CPSF2: variants seen among roughly 807,000 people sequenced by gnomAD.
CPSF2 encodes the protein cleavage and polyadenylation specific factor 2.
In CPSF2, 51 loss-of-function variants were observed where a neutral mutation model predicts 84.2. The ratio of observed to expected loss-of-function variants is 0.61; its 90% confidence interval spans 0.48 to 0.77. The LOEUF is 0.77. Ranked by LOEUF, CPSF2 falls within the 30% of genes least tolerant of loss-of-function variation. The probability of loss-of-function intolerance (pLI) is 0.00; values close to 1 mark genes in which losing one functional copy is unlikely to be tolerated. For missense variants in CPSF2, 641 were observed against 929.4 expected, an observed-to-expected ratio of 0.69 and a Z score of 4.03; for synonymous variants, 286 against 311.9, an observed-to-expected ratio of 0.92 and a Z score of 0.87.
At chr14:92,140,142 C>T (rs2069056899) in intron 7 of CPSF2, among the ~76,000 whole-genome samples, 1 of 151,030 alleles carries the variant, frequency 6.6e-6, no homozygotes, top group Admixed American at 6.6e-5. Flanking sequence ...TTAATAGAGA[C>T]GGGGTTTCAC....
intron 10 of CPSF2, 68 bp downstream of exon 10, chr14:92,154,526 A>G (rs2069263891): frequency 9.2e-7 from 1 of 1,086,858 alleles, no homozygotes; most frequent in African/African-American, 1.6e-5. Flanking sequence ...CTTGACTTAA[A>G]TGTTTCATTG....
chr14:92,130,909 CTG>C lies in CPSF2; in HGVS notation c.-34-39_-34-38del, dbSNP rs2068916394. The C allele has an allele frequency of 4.0e-6, 5 of 1,242,654 alleles. No homozygotes were observed. The African/African-American group carries it at 7.7e-5, about 19-fold the overall frequency. The allele number at this position is 1,242,654 out of a possible 1,614,324, so 77.0% of individuals were successfully genotyped here. ...CAATTTGTTTATTATATATGCCAGA[CTG>C]TGCTTTTATGTTTAATTATGTTTTC... On this transcript the variant is annotated intron_variant, in intron 2 of 15. Coordinates refer to ENST00000298875, the MANE Select transcript of CPSF2 (RefSeq NM_017437.3).
chr14:92,140,472 C>T lies in CPSF2; in HGVS notation c.662-1692C>T, dbSNP rs1324404854. 5.0e-5 allele frequency among the ~76,000 whole-genome samples: 7 copies of T among 140,736 alleles called. No homozygotes were observed. In the East Asian group the frequency reaches 1.1e-3, roughly 22 times the overall value. The allele number at this position is 140,736 out of a possible 152,430, so 92.3% of individuals were successfully genotyped here. ...TTTTTGAGATGTAGTCTCGCTCTGT[C>T]GCCAGGCTGGAGTGCAGTGGCGCGA... On this transcript the variant is annotated intron_variant, in intron 7 of 15. Coordinates refer to ENST00000298875, the MANE Select transcript of CPSF2 (RefSeq NM_017437.3).
chr14:92,131,596 T>C (rs1020619728), intron 3 of CPSF2, among the ~76,000 whole-genome samples: 2 of 152,120 alleles, frequency 1.3e-5, no homozygotes, highest in Non-Finnish European at 2.9e-5. Context: ...CCCAGTACTT[T>C]AGGAGGCTGA....
intron 9 of CPSF2, among the ~76,000 whole-genome samples, chr14:92,148,563 G>A (rs776101467): frequency 1.3e-5 from 2 of 150,446 alleles, no homozygotes; most frequent in Non-Finnish European, 3.0e-5. Flanking sequence ...GCATTTAATT[G>A]TCATAACTGT....
chr14:92,124,948 G>A (rs144126692), intron 1 of CPSF2, among the ~76,000 whole-genome samples: 1,784 of 152,188 alleles, frequency 0.012, 36 homozygotes, highest in African/African-American at 0.04. Context: ...CTAGATGTGG[G>A]AATTTGTAAG....
At chr14:92,135,222 C>T (rs2068983476) in intron 5 of CPSF2, 145 bp from the exon 6 acceptor site, 1 of 622,782 alleles carries the variant, frequency 1.6e-6, no homozygotes, top group Admixed American at 3.7e-5. Context: ...AGAGTGAAGC[C>T]TGCTTTCACT....
chr14:92,154,658 T>G (rs2069265503), intron 10 of CPSF2, among the ~76,000 whole-genome samples, 200 bp downstream of exon 10: 1 of 152,250 alleles, frequency 6.6e-6, no homozygotes, highest in Non-Finnish European at 1.5e-5. Flanking sequence ...TTATAAAATG[T>G]CAGTCCAATA....
chr14:92,143,235 C>T lies in CPSF2; in HGVS notation c.1081C>T (p.Pro361Ser), dbSNP rs992966833. The T allele has an allele frequency of 1.9e-6, 3 of 1,613,094 alleles. No individual in the cohort carries two copies. Among genetic ancestry groups the T allele is most frequent in the East Asian group, 2.2e-5 (1 of 44,890 alleles). The part of the protein sequence containing the change: ...NSIILTYRTT[P>S]GTLARFLIDN... ...AATCATTCTAACCTACAGAACTACT[C>T]CTGGGACTTTAGCACGTTTCCTAAT... Residue 361 changes from proline to serine, a missense_variant, in exon 9 of 16, where the codon CCT becomes TCT. Transcript: ENST00000298875.
Position 92,122,051 on chromosome 14 carries a change from G to A in CPSF2, c.-171G>A. 1.1e-5 allele frequency: 6 copies of A among 561,954 alleles called. No individual in the cohort carries two copies. The highest frequency in any genetic ancestry group is 3.1e-5 in the Admixed American group (1 of 32,686). 34.8% of individuals were successfully genotyped at this position (561,954 alleles called of 1,614,324 possible). A position where few individuals can be genotyped will look rare whatever the true frequency, so the allele number is the denominator to read the frequency against. On this transcript the variant is annotated 5_prime_UTR_variant, in exon 1 of 16. Coordinates refer to ENST00000298875, the MANE Select transcript of CPSF2 (RefSeq NM_017437.3). Reference sequence around the variant, plus strand: ...TCCCTGGCGCTGCTGACCCAGCATCGGCTTTTCTACGTCTTGAACCTGGAT... The same window carrying A: ...TCCCTGGCGCTGCTGACCCAGCATCAGCTTTTCTACGTCTTGAACCTGGAT...
chr14:92,131,914 A>C (rs1488129269), intron 3 of CPSF2, among the ~76,000 whole-genome samples: 1 of 152,196 alleles, frequency 6.6e-6, no homozygotes, highest in African/African-American at 2.4e-5. Flanking sequence ...AGAGGACTTA[A>C]ATATTTAAAA....
At chr14:92,148,083 T>C (rs2069165833) in intron 9 of CPSF2, among the ~76,000 whole-genome samples, 1 of 152,152 alleles carries the variant, frequency 6.6e-6, no homozygotes, top group Non-Finnish European at 1.5e-5. Context: ...TTTGGTTTAA[T>C]TTTTTTGTTT....
chr14:92,159,226 G>A lies in CPSF2; in HGVS notation c.2065G>A (p.Glu689Lys), dbSNP rs1313220623. 2 of 1,613,384 alleles carry A rather than the reference G, an allele frequency of 1.2e-6. No homozygotes were observed. Among genetic ancestry groups the A allele is most frequent in the Admixed American group, 1.7e-5 (1 of 59,888 alleles). ...AAGTCTGTTCGGAGATGATGAAAAAGAAACAGGTGAAGAAAGTGAGATCAT... is the reference window on the plus strand; with the variant it reads ...AAGTCTGTTCGGAGATGATGAAAAAAAAACAGGTGAAGAAAGTGAGATCAT... ...MKSLFGDDEK[E>K]TGEESEIIPT... Residue 689 changes from glutamate (E) to lysine (K), a missense_variant, in exon 14 of 16, where the codon GAA becomes AAA. Physicochemically the swap from Glu to Lys is moderately conservative, Grantham distance 56 (BLOSUM62 1). Coordinates refer to ENST00000298875, the MANE Select transcript of CPSF2 (RefSeq NM_017437.3).
intron 2 of CPSF2, among the ~76,000 whole-genome samples, chr14:92,126,576 C>T (rs936760615): frequency 6.6e-6 from 1 of 152,136 alleles, no homozygotes; most frequent in Non-Finnish European, 1.5e-5. Context: ...TTGGGGAGGC[C>T]AAGGTGGGTG....
chr14:92,152,498 G>A (rs1016373330), intron 9 of CPSF2, among the ~76,000 whole-genome samples: 1 of 151,776 alleles, frequency 6.6e-6, no homozygotes, highest in East Asian at 1.9e-4. Flanking sequence ...GAGTGTAATG[G>A]TGCGATTATG....
At position 92,154,368 on chromosome 14, in the gene CPSF2, G is replaced by A; in HGVS notation, c.1151G>A (p.Arg384His). The A allele has an allele frequency of 1.9e-6, 3 of 1,598,566 alleles. No homozygotes were observed. The highest frequency in any genetic ancestry group is 2.6e-6 in the Non-Finnish European group (3 of 1,175,176). Residue 384 changes from arginine to histidine, a missense_variant, in exon 10 of 16, where the codon CGT (arginine) becomes CAT (histidine). Around this residue, in one of 2 missense-constraint regions of CPSF2, gnomAD observed 430 missense variants for 553.6 expected, o/e 0.78. Coordinates refer to ENST00000298875, the MANE Select transcript of CPSF2 (RefSeq NM_017437.3). ...TTTATTTTTTTTTAGTTGAGGAAAC[G>A]TGTGAAGCTTGAAGGGAAAGAACTT... ...EKITEIELRK[R>H]VKLEGKELEE... is the part of the protein sequence containing the mutation.
At chr14:92,141,224 A>T (rs1183831943) in intron 7 of CPSF2, among the ~76,000 whole-genome samples, 1 of 151,992 alleles carries the variant, frequency 6.6e-6, no homozygotes. Flanking sequence ...AATATAAGTA[A>T]AAAAAAACAG....
At chr14:92,122,586 A>C (rs1461124988) in intron 1 of CPSF2, among the ~76,000 whole-genome samples, 1 of 152,068 alleles carries the variant, frequency 6.6e-6, no homozygotes, top group African/African-American at 2.4e-5. Flanking sequence ...GACTCCAGAG[A>C]CCTTTCGGTT....
At chr14:92,123,617 TG>T (rs1322774784) in intron 1 of CPSF2, among the ~76,000 whole-genome samples, 1 of 152,222 alleles carries the variant, frequency 6.6e-6, no homozygotes. Flanking sequence ...CAGGCTGGTC[TG>T]GAACTCCTGA....
Sources: allele counts gnomAD v4.1 joint callset (sites outside exome capture counted in the v4.1 genomes callset), GRCh38; gene constraint gnomAD v4.1.1; regional missense constraint gnomAD v4.1.1; transcripts MANE v1.5; gene names NCBI Gene and HGNC (gene_info 2026-07-23, HGNC 2026-07-21).